NLRC5: variants seen among roughly 807,000 people sequenced by gnomAD.
NLRC5 encodes the protein protein NLRC5.
A neutral mutation model predicts 206.9 loss-of-function variants in NLRC5; 114 were observed. The observed-to-expected ratio is 0.55, with a 90% CI of 0.47 to 0.64. The LOEUF (loss-of-function observed/expected upper bound fraction) is 0.64, where lower values mean the gene tolerates loss of function less well. NLRC5 is among the 30% of genes least tolerant of loss of function. The pLI, the probability that NLRC5 is intolerant of heterozygous loss-of-function variation, is 0.00. For synonymous variants in NLRC5, 952 were observed against 962.8 expected, an observed-to-expected ratio of 0.99 and a Z score of 0.21; for missense variants, 2,008 against 2,305.5, an observed-to-expected ratio of 0.87 and a Z score of 2.64.
At chr16:57,078,377 C>T (rs66807230) in intron 43 of NLRC5, among the ~76,000 whole-genome samples, 6,478 of 151,850 alleles carry the variant, frequency 0.043, 162 homozygotes, top group East Asian at 0.12. Flanking sequence ...CGCAGGAGCA[C>T]GGTGCCAATC....
intron 20 of NLRC5, chr16:57,045,208 G>A (rs1421186380): frequency 6.1e-5 from 31 of 512,386 alleles, no homozygotes; most frequent in Middle Eastern, 5.4e-4. Flanking sequence ...CCCTTTCTTC[G>A]AAACAACAAC....
At chr16:57,048,082 G>C (rs2064251713) in intron 23 of NLRC5, 1 of 164,644 alleles carries the variant, frequency 6.1e-6, no homozygotes, top group Admixed American at 5.9e-5. Flanking sequence ...CTGGAATCAG[G>C]ACTCTTGGCT....
Position 57,078,470 on chromosome 16 carries a change from T to TTTTTTTTG in NLRC5, c.5081+457_5081+458insGTTTTTTT, listed in dbSNP as rs1555542281. Among the ~76,000 whole-genome samples the TTTTTTTTG allele has an allele frequency of 4.8e-4, 62 of 128,830 alleles. No homozygotes were observed. In the South Asian group the frequency reaches 0.012, roughly 24 times the overall value. The allele number at this position is 128,830 out of a possible 152,430, so 84.5% of individuals were successfully genotyped here. A position where few individuals can be genotyped will look rare whatever the true frequency, so the allele number is the denominator to read the frequency against. ...GTCCCAGAGTGCTGGGACCTTGTTT[T>TTTTTTTTG]TTTTTTTTTTTTTTTTTTTTAGATG... On this transcript the variant is annotated intron_variant, in intron 43 of 48. Coordinates refer to ENST00000688547, the MANE Select transcript of NLRC5 (RefSeq NM_001384950.1).
intron 27 of NLRC5, among the ~76,000 whole-genome samples, chr16:57,056,477 A>T (rs1301275770): frequency 2.6e-5 from 4 of 152,102 alleles, no homozygotes; most frequent in Admixed American, 6.5e-5. Flanking sequence ...TTTGTAAGAG[A>T]TGAAGTCTCA....
At position 57,014,916 on chromosome 16, in the gene NLRC5, C is replaced by CTTCTTT. The variant is rs371260423; in HGVS notation, c.-127-2155_-127-2154insTTTTTC. Among the ~76,000 whole-genome samples, 619 of 94,614 alleles carry CTTCTTT rather than the reference C, an allele frequency of 6.5e-3. 3 individuals are homozygous for CTTCTTT. Among genetic ancestry groups the CTTCTTT allele is most frequent in the African/African-American group, 0.022 (602 of 27,706 alleles). The allele number at this position is 94,614 out of a possible 152,430, so 62.1% of individuals were successfully genotyped here. ...AGAAAGGGCAAGCGCTCTCCAGCCTCTTCCTTTTTCCTTTTTTTTTTTGTT... is the reference window on the plus strand; with the variant it reads ...AGAAAGGGCAAGCGCTCTCCAGCCTCTTCTTTTTCCTTTTTCCTTTTTTTTTTTGTT... On this transcript the variant is annotated intron_variant, in intron 1 of 48. Coordinates refer to ENST00000688547, the MANE Select transcript of NLRC5 (RefSeq NM_001384950.1).
At chr16:57,032,085 G>A (rs2061945043) in intron 11 of NLRC5, among the ~76,000 whole-genome samples, 2 of 152,068 alleles carry the variant, frequency 1.3e-5, no homozygotes, top group Admixed American at 6.6e-5. Flanking sequence ...TCTGGATCTC[G>A]ATTCCTTGCT....
intron 2 of NLRC5, among the ~76,000 whole-genome samples, chr16:57,017,888 C>T (rs543676744): frequency 6.6e-6 from 1 of 152,336 alleles, no homozygotes; most frequent in South Asian, 2.1e-4. Context: ...AGTAACAGAG[C>T]TGGGCCATGG....
intron 1 of NLRC5, among the ~76,000 whole-genome samples, chr16:57,009,033 C>T (rs2059207482): frequency 6.6e-6 from 1 of 152,194 alleles, no homozygotes; most frequent in African/African-American, 2.4e-5. Context: ...TGGCTCACGC[C>T]TGTAATCCCA....
chr16:57,011,062 T>A (rs181364875), intron 1 of NLRC5, among the ~76,000 whole-genome samples: 1 of 152,212 alleles, frequency 6.6e-6, no homozygotes, highest in African/African-American at 2.4e-5. Flanking sequence ...AGAGTTGGTC[T>A]CTATGTATGC....
intron 1 of NLRC5, among the ~76,000 whole-genome samples, chr16:57,006,221 A>G (rs1000271922): frequency 4.0e-5 from 6 of 151,254 alleles, no homozygotes; most frequent in Admixed American, 3.3e-4. Context: ...CTCGTCTCAA[A>G]CTCCTGACCT....
chr16:57,020,664 G>A, intron 2 of NLRC5, 37 bp from the exon 3 acceptor site: 2 of 1,508,138 alleles, frequency 1.3e-6, no homozygotes, highest in Non-Finnish European at 1.8e-6. Flanking sequence ...CAGTTTACCT[G>A]TCCCCCTCAA....
chr16:57,000,055 C>T (rs1318764394), intron 1 of NLRC5, among the ~76,000 whole-genome samples: 2 of 152,166 alleles, frequency 1.3e-5, no homozygotes, highest in South Asian at 2.1e-4. Context: ...CAGGTGATGC[C>T]GTCGTGCAGA....
At chr16:57,004,911 T>A (rs2142400854) in intron 1 of NLRC5, among the ~76,000 whole-genome samples, 1 of 152,254 alleles carries the variant, frequency 6.6e-6, no homozygotes, top group South Asian at 2.1e-4. Context: ...ATCTTCCAGG[T>A]GCACCCCAGC....
chr16:57,025,888 T>C lies in NLRC5; in HGVS notation c.945T>C (p.Pro315=), dbSNP rs1190127849. The change falls in exon 6 of 49, where the codon CCT becomes CCC. Residue 315 remains proline, a synonymous_variant. Transcript: ENST00000688547. ...ATGGGCTAGATGAGGCCCTCCAGCC[T>C]ATGGGTCCTGATGGCCCAGGCCCAG... The part of the protein sequence containing the change: ...IFDGLDEALQ[P]MGPDGPGPVL... The C allele has an allele frequency of 6.2e-7, 1 of 1,614,120 alleles. No homozygotes were observed. Among genetic ancestry groups the C allele is most frequent in the Non-Finnish European group, 8.5e-7 (1 of 1,180,052 alleles).
At chr16:57,075,724 C>T (rs2068314985) in intron 39 of NLRC5, among the ~76,000 whole-genome samples, 1 of 152,026 alleles carries the variant, frequency 6.6e-6, no homozygotes, top group African/African-American at 2.4e-5. Flanking sequence ...TGACTAAAAA[C>T]AAATCCAAGC....
chr16:57,081,487 C>G, intron 47 of NLRC5, 40 bp from the exon 48 acceptor site: 6 of 1,581,748 alleles, frequency 3.8e-6, no homozygotes, highest in Non-Finnish European at 5.2e-6. Flanking sequence ...TTCTCATGGC[C>G]GTGTTTCTCT....
intron 28 of NLRC5, chr16:57,058,492 C>T (rs1597391706): frequency 2.6e-6 from 1 of 389,196 alleles, no homozygotes; most frequent in East Asian, 5.3e-5. Flanking sequence ...CCTGGTCCAT[C>T]CCGTCCCTGA....
chr16:57,043,374 G>A (rs1229362787), intron 19 of NLRC5, 141 bp from the exon 20 acceptor site: 2 of 747,980 alleles, frequency 2.7e-6, no homozygotes, highest in Admixed American at 1.8e-5. Context: ...GGACTTGCAA[G>A]GGGTGCTCTC....
chr16:57,018,638 T>G (rs2060336689), intron 2 of NLRC5, among the ~76,000 whole-genome samples: 1 of 152,140 alleles, frequency 6.6e-6, no homozygotes, highest in Admixed American at 6.5e-5. Context: ...GGCCTCAGCC[T>G]CTGGGAATTG....
Sources: gnomAD v4.1 joint callset for allele counts (sites outside exome capture counted in the v4.1 genomes callset) on GRCh38, gnomAD v4.1.1 for gene constraint, MANE v1.5 for transcripts, NCBI Gene and HGNC (gene_info 2026-07-23, HGNC 2026-07-21) for gene names.